Variants in APLF observed in about 807,000 individuals in gnomAD.
The protein encoded by APLF is aprataxin and PNKP like factor.
APLF carries 61 observed loss-of-function variants against 55.6 expected under a neutral mutation model. The ratio of observed to expected loss-of-function variants is 1.10; its 90% CI spans 0.89 to 1.36. The LOEUF (loss-of-function observed/expected upper bound fraction) is 1.36, where lower values mean the gene tolerates loss of function less well. APLF is among the 40% of genes most tolerant of loss of function. The probability of loss-of-function intolerance (pLI) is 0.00; values close to 1 mark genes in which losing one functional copy is unlikely to be tolerated. For missense variants in APLF, 611 were observed against 602.5 expected (o/e 1.01, Z -0.15); for synonymous variants, 207 against 214.8 (o/e 0.96, Z 0.32).
In APLF at chr2:68,513,695, C is replaced by T. The variant is rs998179088; in HGVS notation, c.622+15C>T. 1 of 1,606,676 alleles carries T rather than the reference C, an allele frequency of 6.2e-7. No homozygotes were observed. Among genetic ancestry groups the T allele is most frequent in the Non-Finnish European group, 8.5e-7 (1 of 1,176,398 alleles). ...AATCAGTGGAGGTAGGTTTTTGTTT[C>T]TACTAATGCTGACTTTAAAGGAAAC... On this transcript the variant is annotated intron_variant, in intron 5 of 9. Coordinates refer to ENST00000303795, the MANE Select transcript of APLF (RefSeq NM_173545.3).
chr2:68,532,389 C>T (rs1670283014), intron 6 of APLF, among the ~76,000 whole-genome samples: 1 of 152,168 alleles, frequency 6.6e-6, no homozygotes, highest in Admixed American at 6.5e-5. Context: ...GACCTTGTTT[C>T]TGAGATTCTG....
intron 1 of APLF, among the ~76,000 whole-genome samples, chr2:68,483,203 G>A (rs769659579): frequency 4.6e-5 from 7 of 152,214 alleles, no homozygotes; most frequent in Middle Eastern, 3.4e-3. Flanking sequence ...CGCATAACAC[G>A]AGCTCCTACT....
At chr2:68,502,693 T>C in intron 2 of APLF, 38 bp from the exon 3 acceptor site, 2 of 1,218,038 alleles carry the variant, frequency 1.6e-6, no homozygotes, top group East Asian at 3.0e-5. Flanking sequence ...TATTATATTC[T>C]TTTTTAAATT....
At chr2:68,468,561 T>C (rs888385096) in intron 1 of APLF, among the ~76,000 whole-genome samples, 7 of 152,214 alleles carry the variant, frequency 4.6e-5, no homozygotes, top group Admixed American at 3.9e-4. Context: ...ACATAAGCTT[T>C]TGGACACATA....
intron 3 of APLF, among the ~76,000 whole-genome samples, chr2:68,506,030 G>A (rs2103939479): frequency 6.6e-6 from 1 of 151,982 alleles, no homozygotes; most frequent in South Asian, 2.1e-4. Flanking sequence ...GGGGTATATT[G>A]TGAATAACAA....
intron 2 of APLF, among the ~76,000 whole-genome samples, chr2:68,496,604 G>T (rs992349160): frequency 3.3e-5 from 5 of 152,176 alleles, no homozygotes; most frequent in Admixed American, 3.3e-4. Context: ...TTGAGTGCAG[G>T]TTGTTAGAAG....
In APLF at chr2:68,508,305, C is replaced by T. The variant is rs554951058; in HGVS notation, c.342-4775C>T. 7.9e-5 allele frequency among the ~76,000 whole-genome samples: 12 copies of T among 151,742 alleles called. No homozygotes were observed. The East Asian group carries it at 2.3e-3, about 30-fold the overall frequency. On this transcript the variant is annotated intron_variant, in intron 3 of 9. Coordinates refer to ENST00000303795, the MANE Select transcript of APLF (RefSeq NM_173545.3). ...TAGAATTGAGGGTCCAGAAGTAAAC[C>T]CCTACATTTAGGGTCAGTTGGTTTT...
chr2:68,568,924 A>C lies in APLF; in HGVS notation c.1333+1537A>C, dbSNP rs1306148263. On this transcript the variant is annotated intron_variant, in intron 9 of 9. Transcript: ENST00000303795. The stretch of plus-strand genomic sequence containing the variant: ...GTACTTTCAAAAGTTGCTATGTGGC[A>C]ATATAGTCAGAACATCTCTTACCCT... Among the ~76,000 whole-genome samples, 4 of 152,232 alleles carry C rather than the reference A, an allele frequency of 2.6e-5. No individual in the cohort carries two copies. In the East Asian group the frequency reaches 7.7e-4, roughly 29 times the overall value.
chr2:68,535,479 G>A lies in APLF; in HGVS notation c.805-2393G>A. On this transcript the variant is annotated intron_variant, in intron 6 of 9. Transcript: ENST00000303795. Reference sequence around the variant, plus strand: ...TTTTTTAAAAGCTAAATGGTACCAAGTATGGATATTATTCTTGTTCAGTTA... The same window carrying A: ...TTTTTTAAAAGCTAAATGGTACCAAATATGGATATTATTCTTGTTCAGTTA... 1.0e-5 allele frequency: 2 copies of A among 198,716 alleles called. 1 individual carries two copies. The highest frequency in any genetic ancestry group is 1.9e-4 in the South Asian group (2 of 10,754). The allele number at this position is 198,716 out of a possible 1,614,324, so 12.3% of individuals were successfully genotyped here. A position where few individuals can be genotyped will look rare whatever the true frequency, so the allele number is the denominator to read the frequency against.
chr2:68,510,053 C>T (rs1051816854), intron 3 of APLF, among the ~76,000 whole-genome samples: 3 of 129,948 alleles, frequency 2.3e-5, no homozygotes, highest in African/African-American at 8.9e-5. Context: ...GAACATCACA[C>T]ACCAGGGCCT....
In APLF at chr2:68,545,268, G is replaced by C. The variant is rs1456641863; in HGVS notation, c.1242G>C (p.Glu414Asp). 5.6e-6 allele frequency: 9 copies of C among 1,613,768 alleles called. No individual in the cohort carries two copies. Among genetic ancestry groups the C allele is most frequent in the Non-Finnish European group, 7.6e-6 (9 of 1,179,834 alleles). The change falls in exon 8 of 10, where the codon GAG becomes GAC. Residue 414 changes from glutamate to aspartate, a missense_variant. Coordinates refer to ENST00000303795, the MANE Select transcript of APLF (RefSeq NM_173545.3). ...GTGTACAAATCGTGGGCCAAGATGAGACTGATGACCGGCCTGAATGTCCCT... is the reference window on the plus strand; with the variant it reads ...GTGTACAAATCGTGGGCCAAGATGACACTGATGACCGGCCTGAATGTCCCT... ...YGGVQIVGQD[E>D]TDDRPECPYG... is the part of the protein sequence containing the mutation.
intron 6 of APLF, chr2:68,531,341 G>A (rs1441303761): frequency 1.3e-5 from 2 of 151,596 alleles, no homozygotes; most frequent in African/African-American, 4.9e-5. Flanking sequence ...GTGGATCCCT[G>A]TCTTAGTCTC....
intron 6 of APLF, among the ~76,000 whole-genome samples, chr2:68,526,854 A>G (rs1478231859): frequency 1.3e-5 from 2 of 152,110 alleles, no homozygotes; most frequent in East Asian, 3.8e-4. Flanking sequence ...TGCCCGCCTA[A>G]TTTTTGTGTT....
chr2:68,539,293 T>C (rs528424173), intron 7 of APLF, among the ~76,000 whole-genome samples: 26 of 152,304 alleles, frequency 1.7e-4, no homozygotes, highest in African/African-American at 5.8e-4. Flanking sequence ...CCAGATTGGG[T>C]GCTTAAAAAA....
At chr2:68,517,317 AATAT>A (rs1486333273) in intron 5 of APLF, among the ~76,000 whole-genome samples, 1 of 122,936 alleles carries the variant, frequency 8.1e-6, no homozygotes, top group Admixed American at 8.8e-5. Context: ...ATAATATATT[AATAT>A]ATGTCATTAC....
chr2:68,519,857 G>A (rs563830151), intron 5 of APLF, among the ~76,000 whole-genome samples: 8 of 151,764 alleles, frequency 5.3e-5, no homozygotes, highest in African/African-American at 1.4e-4. Flanking sequence ...AGATCAAATG[G>A]TAGATCTACT....
intron 7 of APLF, among the ~76,000 whole-genome samples, chr2:68,540,821 C>T (rs558630300): frequency 9.9e-5 from 15 of 151,948 alleles, no homozygotes; most frequent in African/African-American, 3.4e-4. Flanking sequence ...GACAAACTGA[C>T]TTTATAGAGG....
chr2:68,513,164 T>C lies in APLF; in HGVS notation c.426T>C (p.Gly142=), dbSNP rs1341862443. 6.2e-7 allele frequency: 1 copy of C among 1,611,408 alleles called. No individual in the cohort carries two copies. The highest frequency in any genetic ancestry group is 1.3e-5 in the African/African-American group (1 of 74,776). ...PVINLPHETT[G]ASQLEGSTEI... is the part of the protein sequence containing the mutation. The stretch of plus-strand genomic sequence containing the variant: ...TTAATTTACCTCATGAGACTACTGG[T>C]GCCTCACAACTGGAAGGAAGCACAG... The change falls in exon 4 of 10, where the codon GGT becomes GGC. Residue 142 remains glycine, a synonymous_variant. Coordinates refer to ENST00000303795, the MANE Select transcript of APLF (RefSeq NM_173545.3).
chr2:68,507,662 T>A (rs1399852212), intron 3 of APLF, among the ~76,000 whole-genome samples: 1 of 151,928 alleles, frequency 6.6e-6, no homozygotes, highest in East Asian at 1.9e-4. Flanking sequence ...TAATTCTTCC[T>A]CCCCAATAGT....
Sources: gnomAD v4.1 joint callset for allele counts (sites outside exome capture counted in the v4.1 genomes callset) on GRCh38, gnomAD v4.1.1 for gene constraint, MANE v1.5 for transcripts, NCBI Gene and HGNC (gene_info 2026-07-23, HGNC 2026-07-21) for gene names.